CEP68: variants seen among roughly 807,000 people sequenced by gnomAD.
CEP68 encodes centrosomal protein 68, also known as centrosomal protein of 68 kDa.
In CEP68, 26 loss-of-function variants were observed where a neutral mutation model predicts 55.3. That is an observed-to-expected ratio of 0.47 (90% CI 0.34 to 0.65). The LOEUF (loss-of-function observed/expected upper bound fraction) is 0.65. Ranked by LOEUF, CEP68 falls within the 30% of genes least tolerant of loss-of-function variation. The pLI, the probability that CEP68 is intolerant of heterozygous loss-of-function variation, is 0.01. For missense variants in CEP68, 957 were observed against 946.7 expected (o/e 1.01, Z -0.14); for synonymous variants, 402 against 383.2 (o/e 1.05, Z -0.57).
chr2:65,060,915 G>A (rs28377817), intron 1 of CEP68, among the ~76,000 whole-genome samples: 3 of 151,874 alleles, frequency 2.0e-5, no homozygotes, highest in South Asian at 2.1e-4. Context: ...AGTGGCTCAC[G>A]CCTGTAATCC....
Position 65,086,779 on chromosome 2 carries a change from A to G in CEP68, c.*3145A>G, listed in dbSNP as rs747607541. Reference sequence around the variant, plus strand: ...TGAAGCATTAAAGATCTTCACCAAAATAACTATTGGTAACTTCAGGAATTT... The same window carrying G: ...TGAAGCATTAAAGATCTTCACCAAAGTAACTATTGGTAACTTCAGGAATTT... On this transcript the variant is annotated 3_prime_UTR_variant, in exon 7 of 7. Transcript: ENST00000377990. The G allele has an allele frequency of 6.6e-6, 1 of 152,666 alleles. No homozygotes were observed. Among genetic ancestry groups the G allele is most frequent in the Admixed American group, 6.5e-5 (1 of 15,286 alleles). The allele number at this position is 152,666 out of a possible 1,614,324, so 9.5% of individuals were successfully genotyped here.
intron 5 of CEP68, among the ~76,000 whole-genome samples, chr2:65,081,556 A>AAAAT (rs1668803595): frequency 6.6e-6 from 1 of 152,262 alleles, no homozygotes; most frequent in African/African-American, 2.4e-5. Context: ...GTGCTTAACA[A>AAAAT]AAATAAATTT....
In CEP68 at chr2:65,084,675, C is replaced by A. The variant is rs1668977064; in HGVS notation, c.*1041C>A. ...ATGAATGAACCTGGAAGGAGGAAAG[C>A]ACAGTAACAATGGAAACTAAAGTCC... On this transcript the variant is annotated 3_prime_UTR_variant, in exon 7 of 7. Transcript: ENST00000377990. 1 of 152,144 alleles carries A rather than the reference C, an allele frequency of 6.6e-6. No homozygotes were observed. The highest frequency in any genetic ancestry group is 1.5e-5 in the Non-Finnish European group (1 of 68,020). 9.4% of individuals were successfully genotyped at this position (152,144 alleles called of 1,614,324 possible).
chr2:65,073,340 G>A, intron 3 of CEP68: 1 of 346,346 alleles, frequency 2.9e-6, no homozygotes, highest in Non-Finnish European at 5.6e-6. Flanking sequence ...GTGCACAGAT[G>A]CCTTTAGGAA....
rs759278535 is a variant in CEP68, at chr2:65,082,488, T to C, written c.2105-48T>C. 3 of 1,469,656 alleles carry C rather than the reference T, an allele frequency of 2.0e-6. No individual in the cohort carries two copies. The East Asian group carries it at 7.6e-5, about 37-fold the overall frequency. 91.0% of individuals were successfully genotyped at this position (1,469,656 alleles called of 1,614,324 possible). On this transcript the variant is annotated intron_variant, in intron 5 of 6. Coordinates refer to ENST00000377990, the MANE Select transcript of CEP68 (RefSeq NM_015147.3). ...TTTGAAAATGCTTACTGGACAACAC[T>C]TGCATGGGTTTTATTTCTGGTTTAA...
chr2:65,072,905 A>C lies in CEP68; in HGVS notation c.1809A>C (p.Ser603=). ...CTAGGTTGGACCGGTGGCCATTCTC[A>C]GACCCAGATGTTGAAGGGCAGCTTC... ...LPARLDRWPF[S]DPDVEGQLPR... is the part of the protein sequence containing the mutation. The change falls in exon 3 of 7, where the codon TCA becomes TCC. Residue 603 remains serine (S), a synonymous_variant. Transcript: ENST00000377990. 1 of 1,614,168 alleles carries C rather than the reference A, an allele frequency of 6.2e-7. No homozygotes were observed. Among genetic ancestry groups the C allele is most frequent in the Non-Finnish European group, 8.5e-7 (1 of 1,180,030 alleles).
At chr2:65,059,488 G>T (rs1156240956) in intron 1 of CEP68, among the ~76,000 whole-genome samples, 4 of 152,052 alleles carry the variant, frequency 2.6e-5, no homozygotes, top group African/African-American at 9.7e-5. Context: ...TCTTTCTAGG[G>T]AATACTATTA....
chr2:65,076,510 T>C lies in CEP68; in HGVS notation c.2008-1358T>C, dbSNP rs182403176. ...CTGCTAGCCCCTTGCCCGCACAGAATTGTGCATGGCTCATGCGTATGTGTG... is the reference window on the plus strand; with the variant it reads ...CTGCTAGCCCCTTGCCCGCACAGAACTGTGCATGGCTCATGCGTATGTGTG... On this transcript the variant is annotated intron_variant, in intron 4 of 6. Coordinates refer to ENST00000377990, the MANE Select transcript of CEP68 (RefSeq NM_015147.3). 5.3e-3 allele frequency among the ~76,000 whole-genome samples: 803 copies of C among 152,288 alleles called. 12 individuals are homozygous for C. Among genetic ancestry groups the C allele is most frequent in the Non-Finnish European group, 7.2e-3 (488 of 68,014 alleles).
intron 1 of CEP68, among the ~76,000 whole-genome samples, chr2:65,066,742 A>AT (rs1558557469): frequency 6.0e-4 from 59 of 98,576 alleles, no homozygotes; most frequent in African/African-American, 2.4e-3. Context: ...AAAAAAAAAA[A>AT]AAAATATATA....
At chr2:65,081,617 G>A (rs554796367) in intron 5 of CEP68, among the ~76,000 whole-genome samples, 8 of 152,212 alleles carry the variant, frequency 5.3e-5, no homozygotes, top group Non-Finnish European at 8.8e-5. Flanking sequence ...TCTGACCCTA[G>A]CCCATCCCTT....
chr2:65,065,955 T>TAAAAA (rs59986437), intron 1 of CEP68, among the ~76,000 whole-genome samples: 1 of 129,410 alleles, frequency 7.7e-6, no homozygotes, highest in Non-Finnish European at 1.7e-5. Flanking sequence ...GACTTCATCT[T>TAAAAA]AAAAAAAAAA....
intron 4 of CEP68, among the ~76,000 whole-genome samples, chr2:65,075,900 A>G (rs1676735128): frequency 6.6e-6 from 1 of 152,016 alleles, no homozygotes; most frequent in Non-Finnish European, 1.5e-5. Flanking sequence ...CCTTCCTGGG[A>G]CCGTACTCCA....
rs936935844 is a variant in CEP68 at position 65,084,343 on chromosome 2, T to C, written c.*709T>C. Reference sequence around the variant, plus strand: ...TGGCTATGGAGCTAATTATCAAGCTTAAAGGGTAACTTTGGGAGGACTCCT... The same window carrying C: ...TGGCTATGGAGCTAATTATCAAGCTCAAAGGGTAACTTTGGGAGGACTCCT... On this transcript the variant is annotated 3_prime_UTR_variant, in exon 7 of 7. Transcript: ENST00000377990. The C allele has an allele frequency of 6.6e-6, 1 of 152,168 alleles. No homozygotes were observed. Among genetic ancestry groups the C allele is most frequent in the Admixed American group, 6.5e-5 (1 of 15,274 alleles). 9.4% of individuals were successfully genotyped at this position (152,168 alleles called of 1,614,324 possible). A position where few individuals can be genotyped will look rare whatever the true frequency, so the allele number is the denominator to read the frequency against.
intron 1 of CEP68, among the ~76,000 whole-genome samples, chr2:65,068,388 C>T (rs925056630): frequency 1.3e-5 from 2 of 152,202 alleles, no homozygotes; most frequent in Admixed American, 1.3e-4. Flanking sequence ...CCTGTGCTCC[C>T]TCGCCTGCCT....
chr2:65,081,032 G>A (rs1392215867), intron 5 of CEP68, among the ~76,000 whole-genome samples: 1 of 151,976 alleles, frequency 6.6e-6, no homozygotes, highest in East Asian at 1.9e-4. Flanking sequence ...CCAGCATGAC[G>A]AAACCCTGTC....
chr2:65,056,705 G>T (rs573974596), intron 1 of CEP68, among the ~76,000 whole-genome samples, 177 bp downstream of exon 1: 254 of 152,130 alleles, frequency 1.7e-3, no homozygotes, highest in Admixed American at 5.0e-3. Flanking sequence ...GGGCACAAAG[G>T]CTCCCTGGGG....
chr2:65,064,815 T>C (rs1448064312), intron 1 of CEP68, among the ~76,000 whole-genome samples: 1 of 152,146 alleles, frequency 6.6e-6, no homozygotes, highest in African/African-American at 2.4e-5. Context: ...CTGGTTTTTC[T>C]AGCTCACGGG....
rs1397772505 is a variant in CEP68, at chr2:65,084,917, G to C, written c.*1283G>C. The C allele has an allele frequency of 6.6e-6, 1 of 152,148 alleles. No individual in the cohort carries two copies. The highest frequency in any genetic ancestry group is 1.5e-5 in the Non-Finnish European group (1 of 68,014). The allele number at this position is 152,148 out of a possible 1,614,324, so 9.4% of individuals were successfully genotyped here. ...TGAGTTTGCCATATTAATCATCTTA[G>C]TTCCATACACACTGAGACTTTAAAA... On this transcript the variant is annotated 3_prime_UTR_variant, in exon 7 of 7. Transcript: ENST00000377990.
At chr2:65,073,292 C>A in intron 3 of CEP68, 1 of 412,782 alleles carries the variant, frequency 2.4e-6, no homozygotes, top group African/African-American at 2.0e-5. Context: ...CCCTTGGCTG[C>A]TTCCTAACTC....
Sources: allele counts gnomAD v4.1 joint callset (sites outside exome capture counted in the v4.1 genomes callset), GRCh38; gene constraint gnomAD v4.1.1; transcripts MANE v1.5; gene names NCBI Gene and HGNC (gene_info 2026-07-23, HGNC 2026-07-21).